The following TRPC7 variants were observed in gnomAD, a reference collection of about 807,000 sequenced individuals.
The protein encoded by TRPC7 is transient receptor potential cation channel subfamily C member 7.
A neutral mutation model predicts 90.1 loss-of-function variants in TRPC7; 42 were observed. The observed-to-expected ratio is 0.47, with a 90% CI of 0.36 to 0.60. TRPC7 has a LOEUF of 0.60. Among genes scored for constraint, TRPC7 ranks in the 20% least tolerant of loss-of-function variants. The probability of loss-of-function intolerance (pLI) is 0.00; values close to 1 mark genes in which losing one functional copy is unlikely to be tolerated. For missense variants in TRPC7, 955 were observed against 1,112.3 expected (o/e 0.86, Z 2.01); for synonymous variants, 451 against 436.3 (o/e 1.03, Z -0.42).
intron 5 of TRPC7, among the ~76,000 whole-genome samples, chr5:136,263,344 A>G (rs1349842713): frequency 1.3e-5 from 2 of 152,260 alleles, no homozygotes; most frequent in Non-Finnish European, 2.9e-5. Context: ...GCCTGTCAGA[A>G]TAATGCCAAA....
intron 4 of TRPC7, among the ~76,000 whole-genome samples, chr5:136,273,215 G>T (rs2149814889): frequency 6.6e-6 from 1 of 152,284 alleles, no homozygotes; most frequent in Non-Finnish European, 1.5e-5. Context: ...TCTGGGTGAA[G>T]GCAACTTACA....
At chr5:136,310,576 G>T (rs1289280331) in intron 3 of TRPC7, among the ~76,000 whole-genome samples, 1 of 144,586 alleles carries the variant, frequency 6.9e-6, no homozygotes, top group East Asian at 1.9e-4. Context: ...TCTTGAGGAG[G>T]GTGGAGATCT....
intron 3 of TRPC7, among the ~76,000 whole-genome samples, chr5:136,304,813 C>T (rs1030235600): frequency 6.6e-6 from 1 of 152,194 alleles, no homozygotes; most frequent in Non-Finnish European, 1.5e-5. Context: ...AAACCTCAAT[C>T]CCTTACAAAA....
At chr5:136,338,554 C>A (rs1403222883) in intron 2 of TRPC7, among the ~76,000 whole-genome samples, 1 of 152,146 alleles carries the variant, frequency 6.6e-6, no homozygotes, top group Non-Finnish European at 1.5e-5. Context: ...AAAGCCCAAG[C>A]CAGATATTCA....
chr5:136,223,490 G>A (rs1475599715), intron 10 of TRPC7, among the ~76,000 whole-genome samples: 1 of 152,102 alleles, frequency 6.6e-6, no homozygotes, highest in Admixed American at 6.6e-5. Flanking sequence ...GCGCATGCCT[G>A]TAATCCCAGC....
chr5:136,344,954 T>G (rs1268720825), intron 2 of TRPC7, among the ~76,000 whole-genome samples: 2 of 152,204 alleles, frequency 1.3e-5, no homozygotes, highest in African/African-American at 4.8e-5. Context: ...TCCATTAGAA[T>G]GTAAGCTCCA....
intron 3 of TRPC7, among the ~76,000 whole-genome samples, chr5:136,314,867 C>T (rs1758959839): frequency 6.6e-6 from 1 of 152,114 alleles, no homozygotes; most frequent in African/African-American, 2.4e-5. Flanking sequence ...TAATTTTCAT[C>T]AGGATGAGTA....
intron 2 of TRPC7, among the ~76,000 whole-genome samples, chr5:136,321,458 G>A (rs1490495080): frequency 8.5e-5 from 13 of 152,246 alleles, no homozygotes; most frequent in South Asian, 2.1e-4. Context: ...TAACTCTTAC[G>A]CATCGCAGCT....
chr5:136,293,643 A>G (rs1345566970), intron 3 of TRPC7, among the ~76,000 whole-genome samples: 11 of 152,228 alleles, frequency 7.2e-5, no homozygotes, highest in Admixed American at 7.2e-4. Context: ...ATAAAAGAGG[A>G]TACAAGCAAA....
chr5:136,294,798 C>A (rs1284287063), intron 3 of TRPC7, among the ~76,000 whole-genome samples: 1 of 152,140 alleles, frequency 6.6e-6, no homozygotes, highest in Non-Finnish European at 1.5e-5. Context: ...GGGTATATAA[C>A]AAAGGATTAT....
chr5:136,230,997 TACTTAATAAATA>T (rs553257316), intron 8 of TRPC7, among the ~76,000 whole-genome samples: 1 of 152,294 alleles, frequency 6.6e-6, no homozygotes, highest in South Asian at 2.1e-4. Context: ...ATACAGTAGG[TACTTAATAAATA>T]ACACGTGAGA....
chr5:136,217,330 A>G (rs982575835), intron 10 of TRPC7, among the ~76,000 whole-genome samples: 2 of 152,242 alleles, frequency 1.3e-5, no homozygotes, highest in African/African-American at 4.8e-5. Flanking sequence ...ATAAAAAGTA[A>G]GTGAACTGGA....
rs1758771659 is a variant in TRPC7 at position 136,309,867 on chromosome 5, CA to C, written c.963+5729del. ...TGGCTAATATCCTGTCCCTTTCACACAAAAAACTTGCTCCATCTTCACCCCT... is the reference window on the plus strand; with the variant it reads ...TGGCTAATATCCTGTCCCTTTCACACAAAAACTTGCTCCATCTTCACCCCT... On this transcript the variant is annotated intron_variant, in intron 3 of 11. Transcript: ENST00000513104. Among the ~76,000 whole-genome samples the C allele has an allele frequency of 2.6e-5, 4 of 152,178 alleles. No individual in the cohort carries two copies. In the South Asian group the frequency reaches 8.3e-4, roughly 32 times the overall value.
At chr5:136,277,198 G>A (rs1207463006) in intron 3 of TRPC7, among the ~76,000 whole-genome samples, 3 of 152,248 alleles carry the variant, frequency 2.0e-5, no homozygotes, top group Non-Finnish European at 4.4e-5. Flanking sequence ...AGAGAACACA[G>A]TGGTGACTAT....
intron 3 of TRPC7, among the ~76,000 whole-genome samples, chr5:136,309,637 A>G (rs1437002365): frequency 6.6e-6 from 1 of 152,228 alleles, no homozygotes; most frequent in Non-Finnish European, 1.5e-5. Flanking sequence ...AGGTGAAAGC[A>G]CACAATTGCT....
chr5:136,287,062 A>G (rs1249199029), intron 3 of TRPC7, among the ~76,000 whole-genome samples: 1 of 152,164 alleles, frequency 6.6e-6, no homozygotes, highest in East Asian at 1.9e-4. Context: ...ACTGTAGTCC[A>G]GATGCCGCCT....
intron 3 of TRPC7, among the ~76,000 whole-genome samples, chr5:136,292,082 C>A (rs1211997430): frequency 3.3e-5 from 5 of 152,212 alleles, no homozygotes; most frequent in African/African-American, 7.2e-5. Flanking sequence ...TAAAGAGGTT[C>A]TTTGAAACCA....
At chr5:136,282,035 A>G (rs1757566476) in intron 3 of TRPC7, among the ~76,000 whole-genome samples, 1 of 152,238 alleles carries the variant, frequency 6.6e-6, no homozygotes, top group Non-Finnish European at 1.5e-5. Flanking sequence ...ACTCTAGTTC[A>G]GAAACTTTAT....
intron 5 of TRPC7, among the ~76,000 whole-genome samples, chr5:136,258,500 C>T (rs1756755786): frequency 6.6e-6 from 1 of 152,164 alleles, no homozygotes; most frequent in South Asian, 2.1e-4. Flanking sequence ...TACACTTGAG[C>T]CTCCTTCAGG....
Sources: gnomAD v4.1 joint callset for allele counts (sites outside exome capture counted in the v4.1 genomes callset) on GRCh38, gnomAD v4.1.1 for gene constraint, MANE v1.5 for transcripts, NCBI Gene and HGNC (gene_info 2026-07-23, HGNC 2026-07-21) for gene names.